IPPK: variants seen among roughly 807,000 people sequenced by gnomAD.
The protein encoded by IPPK is IPK1 homolog.
In IPPK, 22 loss-of-function variants were observed where a neutral mutation model predicts 64.6. The ratio of observed to expected loss-of-function variants is 0.34; its 90% CI spans 0.24 to 0.49. The LOEUF is 0.49. Ranked by LOEUF, IPPK falls within the 20% of genes least tolerant of loss-of-function variation. The pLI is 0.99. For missense variants in IPPK, 532 were observed against 630.7 expected (o/e 0.84, Z 1.68); for synonymous variants, 262 against 247.2 (o/e 1.06, Z -0.56).
Position 92,634,398 on chromosome 9 carries a change from G to A in IPPK, c.1158C>T (p.Phe386=), listed in dbSNP as rs758608026. Residue 386 remains phenylalanine (F), a synonymous_variant, in exon 11 of 13, where the codon TTC becomes TTT. Transcript: ENST00000287996. ...LSTEDDGTVA[F]ALTKVQQYRV... ...TGGGTCTGCCCACCTTCGTTAGCGC[G>A]AAGGCCACTGTCCCGTCATCCTCAG... 2.7e-5 allele frequency: 43 copies of A among 1,613,268 alleles called. No individual in the cohort carries two copies. The highest frequency in any genetic ancestry group is 8.9e-5 in the East Asian group (4 of 44,896).
chr9:92,659,999 G>A (rs1852449782), intron 1 of IPPK, among the ~76,000 whole-genome samples: 1 of 151,980 alleles, frequency 6.6e-6, no homozygotes, highest in Non-Finnish European at 1.5e-5. Context: ...GCTGAAGGCA[G>A]GCATCAACAA....
intron 11 of IPPK, among the ~76,000 whole-genome samples, chr9:92,631,043 T>C (rs1463098877): frequency 2.6e-5 from 4 of 152,154 alleles, no homozygotes; most frequent in East Asian, 3.9e-4. Context: ...GCCGGGTACC[T>C]GCAACAGGGA....
chr9:92,642,756 A>G lies in IPPK; in HGVS notation c.559T>C (p.Ser187Pro). The change falls in exon 7 of 13, where the codon TCA (serine) becomes CCA (proline). Residue 187 changes from serine to proline, a missense_variant. By Grantham distance (74) the Ser-to-Pro change is moderately conservative. Coordinates refer to ENST00000287996, the MANE Select transcript of IPPK (RefSeq NM_022755.6). The part of the protein sequence containing the change: ...ISKYCPLDLY[S>P]GNKQRMHFAL... ...AAAGGAGAAGTGTTCTCTTACCCTG[A>G]GTAGAGATCAAGGGGACAGTATTTG... The G allele has an allele frequency of 6.2e-7, 1 of 1,613,608 alleles. No homozygotes were observed. The highest frequency in any genetic ancestry group is 8.5e-7 in the Non-Finnish European group (1 of 1,179,550).
rs1476276189 is a variant in IPPK at position 92,634,391 on chromosome 9, T to C, written c.1165A>G (p.Thr389Ala). The C allele has an allele frequency of 6.2e-7, 1 of 1,610,960 alleles. No individual in the cohort carries two copies. The highest frequency in any genetic ancestry group is 8.5e-7 in the Non-Finnish European group (1 of 1,177,132). ...TTTTGGATGGGTCTGCCCACCTTCG[T>C]TAGCGCGAAGGCCACTGTCCCGTCA... The part of the protein sequence containing the change: ...EDDGTVAFAL[T>A]KVQQYRVAMT... The change falls in exon 11 of 13, where the codon ACG becomes GCG. Residue 389 changes from threonine (T) to alanine (A), a missense_variant. Physicochemically the swap from Thr to Ala is moderately conservative, Grantham distance 58. Coordinates refer to ENST00000287996, the MANE Select transcript of IPPK (RefSeq NM_022755.6).
chr9:92,636,955 A>G (rs1245262449), intron 9 of IPPK, among the ~76,000 whole-genome samples: 1 of 152,166 alleles, frequency 6.6e-6, no homozygotes, highest in African/African-American at 2.4e-5. Flanking sequence ...GATTATAGGC[A>G]TAATTTTAAC....
chr9:92,615,858 A>G lies in IPPK; in HGVS notation c.1450T>C (p.Cys484Arg). The G allele has an allele frequency of 6.2e-7, 1 of 1,614,016 alleles. No homozygotes were observed. The highest frequency in any genetic ancestry group is 8.5e-7 in the Non-Finnish European group (1 of 1,179,844). ...MSTRFKESED[C>R]TLVLHKV is the part of the protein sequence containing the mutation. ...TAGACCTTGTGGAGAACTAATGTGC[A>G]ATCTTCGCTTTCCTTGAACCGAGTC... Residue 484 changes from cysteine (C) to arginine (R), a missense_variant, in exon 13 of 13, where the codon TGC becomes CGC. Transcript: ENST00000287996.
chr9:92,651,641 C>T (rs1480103346), intron 4 of IPPK, among the ~76,000 whole-genome samples: 4 of 152,210 alleles, frequency 2.6e-5, no homozygotes, highest in African/African-American at 7.2e-5. Flanking sequence ...GAACCCTTCC[C>T]GTTCCTAAGT....
chr9:92,641,927 G>C (rs1349526005), intron 7 of IPPK, among the ~76,000 whole-genome samples: 1 of 152,190 alleles, frequency 6.6e-6, no homozygotes, highest in Non-Finnish European at 1.5e-5. Context: ...TTGGAAAGAG[G>C]AGCTGTGCTG....
intron 3 of IPPK, among the ~76,000 whole-genome samples, chr9:92,655,254 C>T (rs1852348228): frequency 6.6e-6 from 1 of 152,174 alleles, no homozygotes; most frequent in African/African-American, 2.4e-5. Context: ...CCTGTGTGGC[C>T]CTGCAGATGC....
rs1019759496 is a variant in IPPK at position 92,635,971 on chromosome 9, CAG to C, written c.917-665_917-664del. On this transcript the variant is annotated intron_variant, in intron 9 of 12. Transcript: ENST00000287996. The surrounding 1 kb of genome is among the most constrained non-coding windows in gnomAD (Gnocchi z 4.4). ...AGAACCAGCCACACAGAGCCACAGACAGGGGTCAAAGCCACTGACAAGGACCT... is the reference window on the plus strand; with the variant it reads ...AGAACCAGCCACACAGAGCCACAGACGGGTCAAAGCCACTGACAAGGACCT... Among the ~76,000 whole-genome samples, 49 of 152,228 alleles carry C rather than the reference CAG, an allele frequency of 3.2e-4. No homozygotes were observed. The highest frequency in any genetic ancestry group is 1.1e-3 in the African/African-American group (45 of 41,530).
At chr9:92,654,088 C>T (rs1852322473) in intron 3 of IPPK, among the ~76,000 whole-genome samples, 1 of 152,192 alleles carries the variant, frequency 6.6e-6, no homozygotes, top group Non-Finnish European at 1.5e-5. Context: ...TACAGGGCAA[C>T]GACCCTCCAC....
chr9:92,616,370 G>A, intron 12 of IPPK: 1 of 252,810 alleles, frequency 4.0e-6, no homozygotes, highest in Non-Finnish European at 7.6e-6. Flanking sequence ...TTAAAGGACT[G>A]AAAGATGGAA....
intron 6 of IPPK, among the ~76,000 whole-genome samples, chr9:92,643,272 T>C (rs1852086342): frequency 1.3e-5 from 2 of 152,228 alleles, no homozygotes; most frequent in Non-Finnish European, 2.9e-5. Context: ...TTATGTCCCC[T>C]GGCTCAGCAA....
At chr9:92,668,729 A>G (rs1852657755) in intron 1 of IPPK, among the ~76,000 whole-genome samples, 1 of 152,244 alleles carries the variant, frequency 6.6e-6, no homozygotes, top group Non-Finnish European at 1.5e-5. Context: ...CTGGTCCATT[A>G]TTAATTCACC....
Position 92,635,502 on chromosome 9 carries a change from G to A in IPPK, c.917-194C>T, listed in dbSNP as rs1851924984. On this transcript the variant is annotated intron_variant, in intron 9 of 12. Coordinates refer to ENST00000287996, the MANE Select transcript of IPPK (RefSeq NM_022755.6). This position sits in a 1 kb window ranked among gnomAD's most constrained non-coding sequence, Gnocchi z 4.4. ...CCCGCCTCACAGAGCTGCTGGAGCT[G>A]CAGCGTGCCTGGACCACACTGGATG... Among the ~76,000 whole-genome samples, 1 of 152,198 alleles carries A rather than the reference G, an allele frequency of 6.6e-6. No homozygotes were observed. Among genetic ancestry groups the A allele is most frequent in the South Asian group, 2.1e-4 (1 of 4,830 alleles).
intron 1 of IPPK, among the ~76,000 whole-genome samples, chr9:92,663,881 G>A (rs1198886355): frequency 1.3e-5 from 2 of 152,228 alleles, no homozygotes; most frequent in Non-Finnish European, 2.9e-5. Context: ...CAACTTTCAT[G>A]GGAAGGGAAG....
At chr9:92,659,939 C>G (rs1852448257) in intron 1 of IPPK, among the ~76,000 whole-genome samples, 1 of 152,086 alleles carries the variant, frequency 6.6e-6, no homozygotes, top group Non-Finnish European at 1.5e-5. Context: ...AAGCTGAGAC[C>G]TGGGGAAGCC....
intron 8 of IPPK, 91 bp from the exon 9 acceptor site, chr9:92,638,371 G>T (rs376713110): frequency 6.8e-7 from 1 of 1,467,264 alleles, no homozygotes; most frequent in African/African-American, 1.4e-5. Context: ...CCAGGCAGCG[G>T]GTGAAAGCCA....
At chr9:92,634,565 A>G (rs914891716) in intron 10 of IPPK, 77 bp from the exon 11 acceptor site, 7 of 982,888 alleles carry the variant, frequency 7.1e-6, no homozygotes, top group Non-Finnish European at 9.9e-6. Flanking sequence ...ACAGTCTACA[A>G]AGCCCAGCAC....
Sources: gnomAD v4.1 joint callset for allele counts (sites outside exome capture counted in the v4.1 genomes callset) on GRCh38, gnomAD v4.1.1 for gene constraint, Gnocchi (gnomAD v3.1) non-coding constraint, MANE v1.5 for transcripts, NCBI Gene and HGNC (gene_info 2026-07-23, HGNC 2026-07-21) for gene names.